The following SLC25A20 variants were observed in gnomAD, a reference collection of about 807,000 sequenced individuals.
The protein encoded by SLC25A20 is solute carrier family 25 member 20, also known as mitochondrial carnitine/acylcarnitine carrier protein.
In SLC25A20, 29 loss-of-function variants were observed where a neutral mutation model predicts 39.7. The ratio of observed to expected loss-of-function variants is 0.73; its 90% CI spans 0.54 to 1.00. The LOEUF (loss-of-function observed/expected upper bound fraction) is 1.00. SLC25A20 is among the 50% of genes least tolerant of loss of function. The pLI, the probability that SLC25A20 is intolerant of heterozygous loss-of-function variation, is 0.00. For synonymous variants in SLC25A20, 103 were observed against 142.2 expected, an observed-to-expected ratio of 0.72 and a Z score of 1.96; for missense variants, 333 against 379.9, an observed-to-expected ratio of 0.88 and a Z score of 1.03.
At chr3:48,880,747 T>C (rs1289351842) in intron 3 of SLC25A20, among the ~76,000 whole-genome samples, 1 of 151,886 alleles carries the variant, frequency 6.6e-6, no homozygotes, top group Non-Finnish European at 1.5e-5. Context: ...TTTTGCATTT[T>C]TGTAGAGACA....
chr3:48,867,339 G>C (rs1325436417), intron 4 of SLC25A20, among the ~76,000 whole-genome samples: 1 of 151,332 alleles, frequency 6.6e-6, no homozygotes, highest in South Asian at 2.1e-4. Context: ...TCTGCCTCCC[G>C]GATTCAAGTG....
In SLC25A20 at chr3:48,858,478, G is replaced by C. The variant is rs758189924; in HGVS notation, c.843+29C>G. On this transcript the variant is annotated intron_variant, in intron 8 of 8. Transcript: ENST00000319017. Reference sequence around the variant, plus strand: ...CATGCACCCTGCCCTGAGCCCCAGAGGGAAAGCACAGCCCTGCCAGCTACT... The same window carrying C: ...CATGCACCCTGCCCTGAGCCCCAGACGGAAAGCACAGCCCTGCCAGCTACT... The C allele has an allele frequency of 5.6e-6, 9 of 1,613,978 alleles. No homozygotes were observed. In the East Asian group the frequency reaches 2.0e-4, roughly 36 times the overall value.
intron 4 of SLC25A20, among the ~76,000 whole-genome samples, chr3:48,878,504 T>A (rs539297161): frequency 2.7e-5 from 4 of 149,350 alleles, no homozygotes; most frequent in Non-Finnish European, 4.5e-5. Context: ...CAGCTAATTT[T>A]AAAAAATTTT....
chr3:48,877,181 G>A (rs746954306), intron 4 of SLC25A20, among the ~76,000 whole-genome samples: 1 of 151,922 alleles, frequency 6.6e-6, no homozygotes, highest in Admixed American at 6.6e-5. Context: ...TTGGGAGGCT[G>A]AGTCAGGCGG....
intron 4 of SLC25A20, among the ~76,000 whole-genome samples, chr3:48,871,999 T>TG (rs1201848677): frequency 2.1e-5 from 3 of 141,316 alleles, no homozygotes; most frequent in African/African-American, 8.0e-5. Context: ...TTTTTTTTTT[T>TG]TTTTTTTTTT....
chr3:48,885,143 T>A (rs149684329), intron 2 of SLC25A20, among the ~76,000 whole-genome samples: 4 of 152,172 alleles, frequency 2.6e-5, no homozygotes. Flanking sequence ...TGGTGGTGTG[T>A]GCCTGTAGTC....
At chr3:48,893,284 A>C (rs2106667017) in intron 1 of SLC25A20, among the ~76,000 whole-genome samples, 1 of 152,050 alleles carries the variant, frequency 6.6e-6, no homozygotes, top group South Asian at 2.1e-4. Context: ...ATGAGGTGGT[A>C]TGTCATTGTG....
intron 2 of SLC25A20, among the ~76,000 whole-genome samples, chr3:48,891,069 C>T (rs900731018): frequency 6.6e-6 from 1 of 152,044 alleles, no homozygotes; most frequent in East Asian, 1.9e-4. Flanking sequence ...TTATCTCTGT[C>T]TTGTGTCTTT....
intron 3 of SLC25A20, among the ~76,000 whole-genome samples, chr3:48,882,253 C>T (rs989508604): frequency 6.6e-6 from 1 of 152,222 alleles, no homozygotes; most frequent in African/African-American, 2.4e-5. Flanking sequence ...TCAGGTGACT[C>T]TTCATACCCA....
At chr3:48,872,170 G>A (rs898561116) in intron 4 of SLC25A20, among the ~76,000 whole-genome samples, 1 of 149,920 alleles carries the variant, frequency 6.7e-6, no homozygotes, top group Non-Finnish European at 1.5e-5. Context: ...TTGCTCTGTT[G>A]CCCAGGCTGG....
At chr3:48,880,407 G>A (rs2083788684) in intron 3 of SLC25A20, among the ~76,000 whole-genome samples, 3 of 150,502 alleles carry the variant, frequency 2.0e-5, no homozygotes, top group Non-Finnish European at 4.4e-5. Context: ...CTCCCGAGTA[G>A]CTGGGATTAC....
At chr3:48,869,573 C>T (rs1559666129) in intron 4 of SLC25A20, among the ~76,000 whole-genome samples, 1 of 152,104 alleles carries the variant, frequency 6.6e-6, no homozygotes, top group Non-Finnish European at 1.5e-5. Flanking sequence ...GGCTATAATC[C>T]TAGCGTTCTG....
At chr3:48,884,500 C>T (rs1057358454) in intron 2 of SLC25A20, among the ~76,000 whole-genome samples, 1 of 151,936 alleles carries the variant, frequency 6.6e-6, no homozygotes, top group African/African-American at 2.4e-5. Flanking sequence ...CAGGCGTGCG[C>T]CACCATGCCC....
chr3:48,868,433 G>A (rs775649642), intron 4 of SLC25A20, among the ~76,000 whole-genome samples: 2 of 152,100 alleles, frequency 1.3e-5, no homozygotes, highest in Non-Finnish European at 2.9e-5. Context: ...AGATGGAGTA[G>A]ATGTACTTTT....
At chr3:48,879,205 C>T (rs1284092341) in intron 4 of SLC25A20, among the ~76,000 whole-genome samples, 153 bp downstream of exon 4, 1 of 152,080 alleles carries the variant, frequency 6.6e-6, no homozygotes, top group African/African-American at 2.4e-5. Flanking sequence ...CTCAGGCAAT[C>T]CTCACACCTT....
At chr3:48,872,438 A>T (rs1336812967) in intron 4 of SLC25A20, among the ~76,000 whole-genome samples, 3 of 151,456 alleles carry the variant, frequency 2.0e-5, no homozygotes, top group African/African-American at 4.8e-5. Context: ...CCCCCAGTTG[A>T]TTTTTTAAAA....
rs767041501 is a variant in SLC25A20, at chr3:48,879,415, A to G, written c.360T>C (p.Ser120=). 1.2e-6 allele frequency: 2 copies of G among 1,614,098 alleles called. No homozygotes were observed. Among genetic ancestry groups the G allele is most frequent in the Non-Finnish European group, 1.7e-6 (2 of 1,179,942 alleles). ...YPQLFAAGML[S]GVFTTGIMTP... ...TCATGATTCCTGTGGTGAATACGCC[A>G]GATAACATCCCAGCTGCAAAAAGCT... is the stretch of plus-strand genomic sequence containing the variant. Residue 120 remains serine, a synonymous_variant, in exon 4 of 9, where the codon TCT becomes TCC. Coordinates refer to ENST00000319017, the MANE Select transcript of SLC25A20 (RefSeq NM_000387.6).
intron 4 of SLC25A20, among the ~76,000 whole-genome samples, chr3:48,872,454 A>G (rs1226670655): frequency 6.6e-6 from 1 of 151,924 alleles, no homozygotes; most frequent in South Asian, 2.1e-4. Context: ...TAAAAGGTGC[A>G]AACACAGTTC....
chr3:48,861,519 G>C (rs1559663873), intron 5 of SLC25A20, among the ~76,000 whole-genome samples: 2 of 152,152 alleles, frequency 1.3e-5, no homozygotes, highest in African/African-American at 4.8e-5. Flanking sequence ...CTGAGGTCAG[G>C]AGTTCGAGAC....
Sources: gnomAD v4.1 joint callset for allele counts (sites outside exome capture counted in the v4.1 genomes callset) on GRCh38, gnomAD v4.1.1 for gene constraint, MANE v1.5 for transcripts, NCBI Gene and HGNC (gene_info 2026-07-23, HGNC 2026-07-21) for gene names.